Variants in RHOT1 observed in about 807,000 individuals in gnomAD.
RHOT1 encodes mitochondrial Rho GTPase 1.
A neutral mutation model predicts 95.3 loss-of-function variants in RHOT1; 27 were observed. That is an observed-to-expected ratio of 0.28 (90% CI 0.21 to 0.39). RHOT1 has a LOEUF of 0.39. Among genes scored for constraint, RHOT1 ranks in the 10% least tolerant of loss-of-function variants. RHOT1 has a pLI of 1.00. For synonymous variants in RHOT1, 227 were observed against 263.5 expected (o/e 0.86, Z 1.34); for missense variants, 578 against 786.7 (o/e 0.73, Z 3.17).
At chr17:32,188,919 G>A (rs1320165726) in intron 8 of RHOT1, among the ~76,000 whole-genome samples, 1 of 152,158 alleles carries the variant, frequency 6.6e-6, no homozygotes, top group Admixed American at 6.5e-5. Context: ...CTTTTCCTTA[G>A]TTAGGATTCT....
intron 19 of RHOT1, among the ~76,000 whole-genome samples, chr17:32,222,353 A>G (rs2038886445): frequency 1.3e-5 from 2 of 152,216 alleles, no homozygotes; most frequent in Non-Finnish European, 2.9e-5. Flanking sequence ...ATCATCTGTA[A>G]ACTTCACGAC....
intron 18 of RHOT1, chr17:32,208,959 C>T (rs2037942414): frequency 6.5e-6 from 1 of 154,862 alleles, no homozygotes; most frequent in Admixed American, 6.4e-5. Context: ...ATGGCATTCG[C>T]CTCAAGTAGT....
intron 1 of RHOT1, chr17:32,143,156 G>A (rs2030683419): frequency 4.0e-6 from 2 of 505,382 alleles, no homozygotes; most frequent in Admixed American, 2.3e-5. Context: ...CCAGGCAGGT[G>A]CTGGAATAAG....
chr17:32,185,417 C>CT (rs1319067358), intron 8 of RHOT1, among the ~76,000 whole-genome samples: 2 of 151,400 alleles, frequency 1.3e-5, no homozygotes, highest in Admixed American at 6.6e-5. Flanking sequence ...GCCTACTCTC[C>CT]TTTTTTTTGG....
At chr17:32,200,602 A>C (rs971010029) in intron 13 of RHOT1, among the ~76,000 whole-genome samples, 1 of 151,858 alleles carries the variant, frequency 6.6e-6, no homozygotes, top group Non-Finnish European at 1.5e-5. Context: ...CTACTAAAAA[A>C]TTTTTTTAAA....
In RHOT1 at chr17:32,192,262, A is replaced by T. The variant is rs754784095; in HGVS notation, c.602A>T (p.Asp201Val). ...RIFKISDQDN[D>V]GTLNDAELNF... ...TTTAAAATATCTGATCAAGATAATG[A>T]TGGTACTCTCAATGATGCTGAACTC... is the stretch of plus-strand genomic sequence containing the variant. Residue 201 changes from aspartate to valine, a missense_variant, in exon 9 of 20, where the codon GAT becomes GTT. Around this residue, in one of 4 missense-constraint regions of RHOT1, gnomAD observed 227 missense variants for 316.0 expected, o/e 0.72. Transcript: ENST00000545287. 1.9e-6 allele frequency: 3 copies of T among 1,575,238 alleles called. No individual in the cohort carries two copies. The highest frequency in any genetic ancestry group is 1.7e-6 in the Non-Finnish European group (2 of 1,157,726).
Position 32,171,006 on chromosome 17 carries a change from T to TA in RHOT1, c.38-35dup, listed in dbSNP as rs113065335. 13,037 of 1,511,340 alleles carry TA rather than the reference T, an allele frequency of 8.6e-3. 938 individuals carry two copies. In the African/African-American group the frequency reaches 0.16, roughly 18 times the overall value. 93.6% of individuals were successfully genotyped at this position (1,511,340 alleles called of 1,614,324 possible). ...GCCAAATTTGAGCTTATGTAGAACC[T>TA]AACACTTTATTAAAGTAACGATTTT... is the stretch of plus-strand genomic sequence containing the variant. On this transcript the variant is annotated intron_variant, in intron 1 of 19. Transcript: ENST00000545287.
chr17:32,200,231 A>G (rs989283035), intron 13 of RHOT1, among the ~76,000 whole-genome samples: 9 of 151,848 alleles, frequency 5.9e-5, no homozygotes, highest in Admixed American at 2.0e-4. Context: ...TACTATCACT[A>G]GTATTCTGGT....
chr17:32,222,938 T>C (rs1176214549), intron 19 of RHOT1: 2 of 954,244 alleles, frequency 2.1e-6, no homozygotes. Flanking sequence ...GTTGGAGTTT[T>C]TCCAGCTTGA....
chr17:32,203,059 T>G (rs2037437210), intron 15 of RHOT1, among the ~76,000 whole-genome samples, 159 bp downstream of exon 15: 1 of 152,174 alleles, frequency 6.6e-6, no homozygotes, highest in Admixed American at 6.5e-5. Flanking sequence ...CCTGTTGAAC[T>G]GTCTTTGTTT....
intron 8 of RHOT1, among the ~76,000 whole-genome samples, chr17:32,186,073 G>C (rs2036025408): frequency 1.3e-5 from 2 of 152,102 alleles, no homozygotes; most frequent in Non-Finnish European, 2.9e-5. Context: ...GAGTCACATG[G>C]TAATTGTATA....
At chr17:32,212,470 G>A (rs2038199091) in intron 19 of RHOT1, among the ~76,000 whole-genome samples, 1 of 152,154 alleles carries the variant, frequency 6.6e-6, no homozygotes, top group Non-Finnish European at 1.5e-5. Context: ...CTCTCATGAT[G>A]ACTGACAGAA....
Position 32,208,320 on chromosome 17 carries a change from G to A in RHOT1, c.1739+11G>A, listed in dbSNP as rs200669163. 1.2e-6 allele frequency: 2 copies of A among 1,609,502 alleles called. No individual in the cohort carries two copies. The highest frequency in any genetic ancestry group is 1.7e-6 in the Non-Finnish European group (2 of 1,175,868). ...AATGGCCATGTATCCGTAAGTACTT[G>A]CTGTCTTCATTTTCATGTTGCATGG... On this transcript the variant is annotated intron_variant, in intron 18 of 19. Coordinates refer to ENST00000545287, the MANE Select transcript of RHOT1 (RefSeq NM_001033566.3).
chr17:32,197,464 G>A (rs1199754484), intron 11 of RHOT1, among the ~76,000 whole-genome samples: 5 of 147,938 alleles, frequency 3.4e-5, no homozygotes, highest in East Asian at 2.0e-4. Flanking sequence ...TCGCTCTGTC[G>A]CCCAGGCTGG....
chr17:32,213,703 C>T (rs1263069437), intron 19 of RHOT1, among the ~76,000 whole-genome samples: 1 of 152,102 alleles, frequency 6.6e-6, no homozygotes, highest in African/African-American at 2.4e-5. Flanking sequence ...GATCACAAAC[C>T]ACCTATTTTA....
At chr17:32,144,505 C>G (rs573538323) in intron 1 of RHOT1, among the ~76,000 whole-genome samples, 3 of 151,772 alleles carry the variant, frequency 2.0e-5, no homozygotes, top group Non-Finnish European at 2.9e-5. Flanking sequence ...CTGAGACATG[C>G]CAGCCTGGGC....
chr17:32,206,441 C>CTTT lies in RHOT1; in HGVS notation c.1417-443_1417-441dup, dbSNP rs34176535. Among the ~76,000 whole-genome samples, 19 of 67,028 alleles carry CTTT rather than the reference C, an allele frequency of 2.8e-4. 1 individual carries two copies. The highest frequency in any genetic ancestry group is 4.5e-4 in the Non-Finnish European group (15 of 33,322). 44.0% of individuals were successfully genotyped at this position (67,028 alleles called of 152,430 possible). On this transcript the variant is annotated intron_variant, in intron 16 of 19. Transcript: ENST00000545287. ...GAAGATACTTATTTGTCTATACTTT[C>CTTT]TTTTTTTTTTTTTTTTTTTTTTTTT...
intron 19 of RHOT1, among the ~76,000 whole-genome samples, chr17:32,222,012 A>G (rs2038863458): frequency 6.6e-6 from 1 of 152,230 alleles, no homozygotes; most frequent in Non-Finnish European, 1.5e-5. Context: ...ATGAGAAATC[A>G]TTTTGATTGA....
chr17:32,195,885 A>T (rs1383676309), intron 11 of RHOT1, among the ~76,000 whole-genome samples: 1 of 152,132 alleles, frequency 6.6e-6, no homozygotes, highest in Non-Finnish European at 1.5e-5. Flanking sequence ...TGTGTCATTT[A>T]TGTGAATAGA....
Sources: allele counts gnomAD v4.1 joint callset (sites outside exome capture counted in the v4.1 genomes callset), GRCh38; gene constraint gnomAD v4.1.1; regional missense constraint gnomAD v4.1.1; transcripts MANE v1.5; gene names NCBI Gene and HGNC (gene_info 2026-07-23, HGNC 2026-07-21).